Variants in NPHP4 observed in about 807,000 individuals in gnomAD.
NPHP4 encodes the protein nephrocystin 4.
NPHP4 carries 151 observed loss-of-function variants against 155.8 expected under a neutral mutation model. That is an observed-to-expected ratio of 0.97 (90% CI 0.85 to 1.11). NPHP4 has a LOEUF of 1.11. Among genes scored for constraint, NPHP4 ranks in the 50% least tolerant of loss-of-function variants. The pLI is 0.00. For missense variants in NPHP4, 1,956 were observed against 1,925.7 expected, an observed-to-expected ratio of 1.02 and a Z score of -0.29; for synonymous variants, 845 against 816.8, an observed-to-expected ratio of 1.03 and a Z score of -0.59.
chr1:5,887,426 T>C lies in NPHP4; in HGVS notation c.2345A>G (p.His782Arg). The part of the protein sequence containing the change: ...RQGRPAVQAS[H>R]ELEVVATEYE... ...TTCAGTTGCCACGACCTCAAGCTCG[T>C]GGGAGGCCTGCACAGCCGGCCGGCC... Residue 782 changes from histidine to arginine, a missense_variant, in exon 18 of 30, where the codon CAC becomes CGC. His to Arg is a conservative substitution (Grantham distance 29). Transcript: ENST00000378156. The C allele has an allele frequency of 6.2e-7, 1 of 1,613,306 alleles. No individual in the cohort carries two copies. The highest frequency in any genetic ancestry group is 8.5e-7 in the Non-Finnish European group (1 of 1,179,882).
At chr1:5,976,181 T>A (rs998752096) in intron 3 of NPHP4, among the ~76,000 whole-genome samples, 3 of 151,994 alleles carry the variant, frequency 2.0e-5, no homozygotes, top group African/African-American at 7.3e-5. Context: ...GGGCCGTCGC[T>A]CCCACCCCCA....
intron 2 of NPHP4, among the ~76,000 whole-genome samples, chr1:5,984,766 A>T (rs1372812167): frequency 6.6e-6 from 1 of 152,168 alleles, no homozygotes; most frequent in Non-Finnish European, 1.5e-5. Flanking sequence ...CTTTTCACAA[A>T]TAAAAATAAA....
intron 6 of NPHP4, among the ~76,000 whole-genome samples, chr1:5,960,013 G>T (rs1211757001): frequency 1.3e-5 from 2 of 152,246 alleles, no homozygotes. Context: ...GCCCTCCCTG[G>T]CCAGCAGAAC....
chr1:5,937,130 T>C (rs1646582736), intron 9 of NPHP4, among the ~76,000 whole-genome samples: 1 of 152,168 alleles, frequency 6.6e-6, no homozygotes, highest in Non-Finnish European at 1.5e-5. Context: ...ACACCTGGGG[T>C]TTCCTCGGAA....
At chr1:5,971,487 T>C (rs1013626959) in intron 3 of NPHP4, among the ~76,000 whole-genome samples, 3 of 152,178 alleles carry the variant, frequency 2.0e-5, no homozygotes, top group Non-Finnish European at 4.4e-5. Flanking sequence ...AAAGAATTTA[T>C]AACGAACCTG....
intron 1 of NPHP4, among the ~76,000 whole-genome samples, chr1:5,986,667 G>C (rs866106694): frequency 3.5e-4 from 53 of 152,128 alleles, no homozygotes; most frequent in African/African-American, 1.3e-3. Flanking sequence ...GTGTATCCTT[G>C]TCAACTTTGA....
At chr1:5,898,197 G>A (rs1047180497) in intron 16 of NPHP4, among the ~76,000 whole-genome samples, 2 of 152,314 alleles carry the variant, frequency 1.3e-5, no homozygotes, top group African/African-American at 4.8e-5. Flanking sequence ...GCCCCCACAA[G>A]ACAAAAACAC....
In NPHP4 at chr1:5,867,800, G is replaced by A; in HGVS notation, c.3412C>T (p.His1138Tyr). Residue 1138 changes from histidine (H) to tyrosine (Y), a missense_variant, in exon 24 of 30, where the codon CAC becomes TAC. His to Tyr is a moderately conservative substitution (Grantham distance 83, BLOSUM62 2). Coordinates refer to ENST00000378156, the MANE Select transcript of NPHP4 (RefSeq NM_015102.5). The surrounding 1 kb of genome is among the most constrained non-coding windows in gnomAD (Gnocchi z 4.1). ...TTCTTCAGGAAGGAGAGCTCCGGGT[G>A]ATAGAAGCGGAAGACCTGGTCCACC... is the stretch of plus-strand genomic sequence containing the variant. Reference protein sequence around the residue: ...HVVDQVFRFYHPELSFLKKAI... With the variant: ...HVVDQVFRFYYPELSFLKKAI... The A allele has an allele frequency of 6.2e-7, 1 of 1,612,976 alleles. No individual in the cohort carries two copies. Among genetic ancestry groups the A allele is most frequent in the Non-Finnish European group, 8.5e-7 (1 of 1,179,806 alleles).
intron 9 of NPHP4, 105 bp from the exon 10 acceptor site, chr1:5,933,434 G>T: frequency 1.1e-6 from 1 of 884,346 alleles, no homozygotes; most frequent in Non-Finnish European, 1.8e-6. Context: ...AGAGCTCAGT[G>T]TAGCAAGGGG....
Position 5,933,186 on chromosome 1 carries a change from C to T in NPHP4, c.1263G>A (p.Leu421=). 5 of 1,612,324 alleles carry T rather than the reference C, an allele frequency of 3.1e-6. No homozygotes were observed. The South Asian group carries it at 3.3e-5, about 11-fold the overall frequency. The change falls in exon 10 of 30, where the codon CTG becomes CTA. Residue 421 remains leucine, a synonymous_variant. Transcript: ENST00000378156. Reference sequence around the variant, plus strand: ...TGCTGGCTGAGGGTACCTTGTAGACCAGACAGTGCGAGGGGTTGGGCTGGA... The same window carrying T: ...TGCTGGCTGAGGGTACCTTGTAGACTAGACAGTGCGAGGGGTTGGGCTGGA... The part of the protein sequence containing the change: ...GGIQPNPSHC[L]VYKVPSASMS...
intron 23 of NPHP4, among the ~76,000 whole-genome samples, chr1:5,872,961 T>A (rs565424754): frequency 2.0e-5 from 3 of 152,328 alleles, no homozygotes; most frequent in African/African-American, 7.2e-5. Flanking sequence ...GGCCGCAGGC[T>A]GTGGCAGCCA....
rs999581368 is a variant in NPHP4, at chr1:5,910,063, C to A, written c.1442-850G>T. Reference sequence around the variant, plus strand: ...GAAACCCACCAGGCTCCTGCCACAGCGGTGCTGGAGCGTCCATAGCCACTC... The same window carrying A: ...GAAACCCACCAGGCTCCTGCCACAGAGGTGCTGGAGCGTCCATAGCCACTC... On this transcript the variant is annotated intron_variant, in intron 11 of 29. Coordinates refer to ENST00000378156, the MANE Select transcript of NPHP4 (RefSeq NM_015102.5). The surrounding 1 kb of genome is among the most constrained non-coding windows in gnomAD (Gnocchi z 5.4). Among the ~76,000 whole-genome samples the A allele has an allele frequency of 6.6e-6, 1 of 152,230 alleles. No homozygotes were observed. The highest frequency in any genetic ancestry group is 3.2e-3 in the Middle Eastern group (1 of 316).
intron 6 of NPHP4, among the ~76,000 whole-genome samples, chr1:5,953,379 C>T (rs1166274654): frequency 1.3e-5 from 2 of 152,322 alleles, no homozygotes; most frequent in South Asian, 2.1e-4. Flanking sequence ...GCTGAGATTA[C>T]AGGCGTGAGC....
intron 2 of NPHP4, among the ~76,000 whole-genome samples, chr1:5,979,041 C>A (rs1291949779): frequency 6.7e-6 from 1 of 148,342 alleles, no homozygotes; most frequent in East Asian, 1.9e-4. Flanking sequence ...ACAGGCAGGA[C>A]CCTGCCCAGA....
At chr1:5,990,353 G>A (rs1015785021) in intron 1 of NPHP4, among the ~76,000 whole-genome samples, 1 of 152,106 alleles carries the variant, frequency 6.6e-6, no homozygotes, top group Non-Finnish European at 1.5e-5. Flanking sequence ...AGGAAGTGCA[G>A]AGGGGCCTTT....
intron 2 of NPHP4, among the ~76,000 whole-genome samples, chr1:5,980,399 G>T (rs1422151399): frequency 6.7e-6 from 1 of 148,816 alleles, no homozygotes; most frequent in African/African-American, 2.5e-5. Flanking sequence ...GAGGAGAGAA[G>T]GAATGAGCGC....
intron 5 of NPHP4, among the ~76,000 whole-genome samples, chr1:5,965,613 G>A (rs1401794942): frequency 6.6e-6 from 1 of 152,118 alleles, no homozygotes; most frequent in Non-Finnish European, 1.5e-5. Flanking sequence ...TGGCCTAGAG[G>A]ACTCCAGAGC....
Position 5,944,841 on chromosome 1 carries a change from G to A in NPHP4, c.1119+2263C>T, listed in dbSNP as rs559149226. On this transcript the variant is annotated intron_variant, in intron 9 of 29. Transcript: ENST00000378156. This position sits in a 1 kb window ranked among gnomAD's most constrained non-coding sequence, Gnocchi z 4.3. ...AAAAATTAGCTGGGCATGGTGGCCC[G>A]TGCCTATAGTCCCAGCTACTCAGGA... is the stretch of plus-strand genomic sequence containing the variant. 2.4e-4 allele frequency among the ~76,000 whole-genome samples: 36 copies of A among 152,140 alleles called. No individual in the cohort carries two copies. The highest frequency in any genetic ancestry group is 8.4e-4 in the African/African-American group (35 of 41,432).
intron 9 of NPHP4, among the ~76,000 whole-genome samples, chr1:5,942,892 C>T (rs1301384871): frequency 6.6e-6 from 1 of 151,800 alleles, no homozygotes; most frequent in East Asian, 1.9e-4. Context: ...CAGGAGGATG[C>T]CCGCTTATTC....
Sources: gnomAD v4.1 joint callset for allele counts (sites outside exome capture counted in the v4.1 genomes callset) on GRCh38, gnomAD v4.1.1 for gene constraint, Gnocchi (gnomAD v3.1) non-coding constraint, MANE v1.5 for transcripts, NCBI Gene and HGNC (gene_info 2026-07-23, HGNC 2026-07-21) for gene names.